Variants in PPFIA2 observed in about 807,000 individuals in gnomAD.
PPFIA2 encodes PPFI scaffold protein A2.
In PPFIA2, 46 loss-of-function variants were observed where a neutral mutation model predicts 175.5. The ratio of observed to expected loss-of-function variants is 0.26; its 90% CI spans 0.21 to 0.34. The LOEUF is 0.34. PPFIA2 is among the 10% of genes least tolerant of loss of function. The probability of loss-of-function intolerance (pLI) is 1.00; values close to 1 mark genes in which losing one functional copy is unlikely to be tolerated. For missense variants in PPFIA2, 1,179 were observed against 1,506.1 expected (o/e 0.78, Z 3.60); for synonymous variants, 568 against 511.4 (o/e 1.11, Z -1.49).
intron 4 of PPFIA2, among the ~76,000 whole-genome samples, chr12:81,482,116 G>A (rs566801558): frequency 5.3e-5 from 8 of 151,912 alleles, no homozygotes; most frequent in South Asian, 2.1e-4. Flanking sequence ...ACATTTATGC[G>A]GCCAACAAAC....
intron 28 of PPFIA2, among the ~76,000 whole-genome samples, chr12:81,274,423 TAA>T (rs1221271443): frequency 1.3e-5 from 2 of 152,206 alleles, no homozygotes; most frequent in African/African-American, 2.4e-5. Flanking sequence ...CACCTGTAGT[TAA>T]GAGTGATCAA....
At position 81,642,751 on chromosome 12, in the gene PPFIA2, T is replaced by A. The variant is rs58256661; in HGVS notation, c.303+34040A>T. Among the ~76,000 whole-genome samples the A allele has an allele frequency of 1.9e-5, 2 of 103,642 alleles. 1 individual carries two copies. The highest frequency in any genetic ancestry group is 7.2e-5 in the African/African-American group (2 of 27,910). 68.0% of individuals were successfully genotyped at this position (103,642 alleles called of 152,430 possible). On this transcript the variant is annotated intron_variant, in intron 4 of 32. Transcript: ENST00000549396. ...TACATGTATATGTATGTATGTATTATATACATACATGTATATGTATGTATG... is the reference window on the plus strand; with the variant it reads ...TACATGTATATGTATGTATGTATTAAATACATACATGTATATGTATGTATG...
At chr12:81,617,527 C>G (rs1719698738) in intron 4 of PPFIA2, among the ~76,000 whole-genome samples, 1 of 152,174 alleles carries the variant, frequency 6.6e-6, no homozygotes, top group Non-Finnish European at 1.5e-5. Context: ...CCTATGATAC[C>G]TGTAAACATG....
intron 3 of PPFIA2, among the ~76,000 whole-genome samples, chr12:81,711,725 AGT>A (rs1236539138): frequency 4.0e-5 from 6 of 150,892 alleles, no homozygotes; most frequent in African/African-American, 1.4e-4. Flanking sequence ...AAGGCACACA[AGT>A]GTATCTTTCC....
intron 3 of PPFIA2, among the ~76,000 whole-genome samples, chr12:81,716,293 A>G (rs2078607296): frequency 6.6e-6 from 1 of 151,786 alleles, no homozygotes; most frequent in Admixed American, 6.6e-5. Context: ...AAAGAGCTGG[A>G]TCAGCAAAAC....
intron 3 of PPFIA2, chr12:81,687,417 G>T (rs2074577602): frequency 6.6e-6 from 1 of 151,964 alleles, no homozygotes; most frequent in Admixed American, 6.6e-5. Context: ...CTACCTTGTG[G>T]GTGAATGTAA....
At chr12:81,459,067 C>T (rs968509797) in intron 4 of PPFIA2, among the ~76,000 whole-genome samples, 2 of 152,100 alleles carry the variant, frequency 1.3e-5, no homozygotes, top group Admixed American at 1.3e-4. Flanking sequence ...ATTTATTTTG[C>T]TTAGTTTCTC....
At chr12:81,293,169 T>G (rs2137741351) in intron 24 of PPFIA2, among the ~76,000 whole-genome samples, 1 of 152,216 alleles carries the variant, frequency 6.6e-6, no homozygotes. Context: ...TTTATTATGC[T>G]ATATAAGATA....
intron 4 of PPFIA2, among the ~76,000 whole-genome samples, chr12:81,606,973 T>C (rs1273584794): frequency 6.6e-6 from 1 of 152,126 alleles, no homozygotes; most frequent in East Asian, 1.9e-4. Flanking sequence ...TTAATCCATC[T>C]CTAGTTAATT....
intron 28 of PPFIA2, among the ~76,000 whole-genome samples, chr12:81,275,711 C>T (rs142423991): frequency 6.6e-6 from 1 of 151,682 alleles, no homozygotes; most frequent in African/African-American, 2.4e-5. Flanking sequence ...GTAAATACAA[C>T]TAATAAGTAT....
At chr12:81,699,498 T>G (rs1302773568) in intron 3 of PPFIA2, among the ~76,000 whole-genome samples, 1 of 151,716 alleles carries the variant, frequency 6.6e-6, no homozygotes, top group Admixed American at 6.6e-5. Context: ...CATAGTAATA[T>G]TATAAGCTCT....
chr12:81,320,081 G>A (rs929567071), intron 22 of PPFIA2, among the ~76,000 whole-genome samples: 5 of 151,916 alleles, frequency 3.3e-5, no homozygotes, highest in African/African-American at 1.2e-4. Context: ...GGCACTTAAC[G>A]AATATGTATT....
At chr12:81,677,171 ATATT>A (rs1163500574) in intron 3 of PPFIA2, among the ~76,000 whole-genome samples, 3 of 151,970 alleles carry the variant, frequency 2.0e-5, no homozygotes, top group Non-Finnish European at 4.4e-5. Flanking sequence ...ATTTTGAAAA[ATATT>A]AAACCCATGG....
At chr12:81,485,573 C>G (rs2058722911) in intron 4 of PPFIA2, among the ~76,000 whole-genome samples, 1 of 151,778 alleles carries the variant, frequency 6.6e-6, no homozygotes, top group Non-Finnish European at 1.5e-5. Flanking sequence ...ACTCTGTGCT[C>G]TATTAACTTC....
chr12:81,375,781 A>G lies in PPFIA2; in HGVS notation c.1131+15T>C. ...ACGCACAGACCAGAAGAAAACCAAG[A>G]CAGAGATACTGAACCTGCCGCAGGA... On this transcript the variant is annotated intron_variant, in intron 10 of 32. Transcript: ENST00000549396. 1 of 1,594,264 alleles carries G rather than the reference A, an allele frequency of 6.3e-7. No individual in the cohort carries two copies. The highest frequency in any genetic ancestry group is 8.6e-7 in the Non-Finnish European group (1 of 1,163,592).
intron 4 of PPFIA2, among the ~76,000 whole-genome samples, chr12:81,553,535 A>G (rs1330687002): frequency 6.6e-6 from 1 of 152,072 alleles, no homozygotes; most frequent in Non-Finnish European, 1.5e-5. Context: ...CACTTCAATT[A>G]CCTAACAACT....
chr12:81,704,576 G>A (rs2076879886), intron 3 of PPFIA2, among the ~76,000 whole-genome samples: 1 of 152,006 alleles, frequency 6.6e-6, no homozygotes. Flanking sequence ...TTCAGAAAGG[G>A]AGCATCAATG....
At chr12:81,413,792 A>G (rs2044433217) in intron 7 of PPFIA2, among the ~76,000 whole-genome samples, 1 of 151,814 alleles carries the variant, frequency 6.6e-6, no homozygotes, top group Non-Finnish European at 1.5e-5. Context: ...TGTCTAAGAA[A>G]CTAATTTCTG....
At chr12:81,347,394 G>A in intron 18 of PPFIA2, 139 bp downstream of exon 18, 1 of 774,088 alleles carries the variant, frequency 1.3e-6, no homozygotes, top group Non-Finnish European at 2.2e-6. Flanking sequence ...GATCACATAG[G>A]GATGTTGTGA....
Sources: gnomAD v4.1 joint callset for allele counts (sites outside exome capture counted in the v4.1 genomes callset) on GRCh38, gnomAD v4.1.1 for gene constraint, MANE v1.5 for transcripts, NCBI Gene and HGNC (gene_info 2026-07-23, HGNC 2026-07-21) for gene names.